The following CDK5RAP3 variants were observed in gnomAD, a reference collection of about 807,000 sequenced individuals.
The protein encoded by CDK5RAP3 is CDK5 regulatory subunit-associated protein 3.
CDK5RAP3 carries 58 observed loss-of-function variants against 73.3 expected under a neutral mutation model. That is an observed-to-expected ratio of 0.79 (90% CI 0.64 to 0.98). The LOEUF (loss-of-function observed/expected upper bound fraction) is 0.98, where lower values mean the gene tolerates loss of function less well. CDK5RAP3 is among the 50% of genes least tolerant of loss of function. The pLI is 0.00. For missense variants in CDK5RAP3, 525 were observed against 615.8 expected, an observed-to-expected ratio of 0.85 and a Z score of 1.56; for synonymous variants, 224 against 247.5, an observed-to-expected ratio of 0.91 and a Z score of 0.89.
rs778634111 is a variant in CDK5RAP3 at position 47,980,691 on chromosome 17, C to T, written c.1176C>T (p.Gly392=). ...AGCTGGCTCCAGCCATCCTGCAGGG[C>T]CAGACCAAAGAGAAGATGGTTACCA... is the stretch of plus-strand genomic sequence containing the variant. ...QFQLAPAILQ[G]QTKEKMVTMV... is the part of the protein sequence containing the mutation. Residue 392 remains glycine, a synonymous_variant, in exon 12 of 14, where the codon GGC becomes GGT. Coordinates refer to ENST00000338399, the MANE Select transcript of CDK5RAP3 (RefSeq NM_176096.3). 3 of 1,614,142 alleles carry T rather than the reference C, an allele frequency of 1.9e-6. No individual in the cohort carries two copies. The highest frequency in any genetic ancestry group is 2.5e-6 in the Non-Finnish European group (3 of 1,180,026).
In CDK5RAP3 at chr17:47,975,347, G is replaced by A. The variant is rs1002646692; in HGVS notation, c.513+10G>A. ...GCAGTATGGCATCACGGTGAGCGGC[G>A]GCAGCCTCTTCGCAGCCAGAGGACA... On this transcript the variant is annotated intron_variant, in intron 6 of 13. Coordinates refer to ENST00000338399, the MANE Select transcript of CDK5RAP3 (RefSeq NM_176096.3). The A allele has an allele frequency of 3.1e-6, 5 of 1,612,628 alleles. No individual in the cohort carries two copies. The African/African-American group carries it at 4.0e-5, about 13-fold the overall frequency.
upstream of CDK5RAP3, chr17:47,970,551 T>C (rs2036236511): frequency 8.7e-6 from 8 of 920,852 alleles, no homozygotes; most frequent in South Asian, 9.9e-5. Flanking sequence ...GTGTTCTCTT[T>C]GGGACGTCTC....
At chr17:47,971,235 A>T in intron 1 of CDK5RAP3, 83 bp downstream of exon 1, 2 of 1,530,994 alleles carry the variant, frequency 1.3e-6, no homozygotes, top group South Asian at 1.2e-5. Context: ...GAAGCGGCTC[A>T]ACCCAGCCCA....
In CDK5RAP3 at chr17:47,981,502, A is replaced by C. The variant is rs747373834; in HGVS notation, c.1521A>C (p.Ter507CysextTer62). ...RPVNLMGTSL[*>C] is the part of the protein sequence containing the mutation. ...TGAACCTGATGGGAACCTCTCTGTG[A>C]CACCCTCCGTGTTCTTGCCTGCCCA... The change falls in exon 14 of 14, where the codon TGA (stop) becomes TGC (cysteine). Residue 507 changes from the stop codon to cysteine, a stop_lost. Transcript: ENST00000338399. 3 of 1,614,220 alleles carry C rather than the reference A, an allele frequency of 1.9e-6. No individual in the cohort carries two copies. The highest frequency in any genetic ancestry group is 2.5e-6 in the Non-Finnish European group (3 of 1,180,056).
intron 12 of CDK5RAP3, 159 bp from the exon 13 acceptor site, chr17:47,981,004 A>C (rs1468526091): frequency 6.8e-6 from 6 of 878,650 alleles, no homozygotes; most frequent in Non-Finnish European, 1.1e-5. Context: ...GGACAGGGGA[A>C]CTGGGAGTGG....
At chr17:47,978,262 G>T (rs2036466065) in intron 10 of CDK5RAP3, among the ~76,000 whole-genome samples, 1 of 151,648 alleles carries the variant, frequency 6.6e-6, no homozygotes, top group African/African-American at 2.4e-5. Flanking sequence ...GTAGAGTTGG[G>T]GTTTCTCCAT....
At chr17:47,971,265 G>A in intron 1 of CDK5RAP3, 97 bp from the exon 2 acceptor site, 2 of 1,541,442 alleles carry the variant, frequency 1.3e-6, no homozygotes, top group South Asian at 1.2e-5. Flanking sequence ...CCCCGTTCTG[G>A]CCCTGCAGGG....
upstream of CDK5RAP3, chr17:47,970,647 G>C (rs1406762815): frequency 6.5e-7 from 1 of 1,535,292 alleles, no homozygotes. Flanking sequence ...AACTGAATGA[G>C]GAGGCAAAGC....
In CDK5RAP3 at chr17:47,981,604, C is replaced by T. The variant is rs746224562; in HGVS notation, c.*102C>T. ...CCTTCAAGGCAAAAGACCAGGCTGA[C>T]TGGAAGATGGAAAGCCACAGGAAGG... On this transcript the variant is annotated 3_prime_UTR_variant, in exon 14 of 14. Transcript: ENST00000338399. 3.1e-6 allele frequency: 5 copies of T among 1,604,802 alleles called. No individual in the cohort carries two copies. The South Asian group carries it at 5.6e-5, about 18-fold the overall frequency.
rs763213122 is a variant in CDK5RAP3, at chr17:47,975,238, G to C, written c.414G>C (p.Gln138His). The change falls in exon 6 of 14, where the codon CAG becomes CAC. Residue 138 changes from glutamine to histidine, a missense_variant. This residue lies in a region of CDK5RAP3 where 409 missense variants were observed against 429.8 expected (regional missense o/e 0.95). Transcript: ENST00000338399. The stretch of plus-strand genomic sequence containing the variant: ...AGAAGCAGATTGCCAAGTGCCAGCA[G>C]CTGCAGCAAGAATACAGCCGCAAGG... ...SLKKQIAKCQ[Q>H]LQQEYSRKEE... 1 of 1,614,090 alleles carries C rather than the reference G, an allele frequency of 6.2e-7. No individual in the cohort carries two copies. Among genetic ancestry groups the C allele is most frequent in the Non-Finnish European group, 8.5e-7 (1 of 1,180,040 alleles).
At chr17:47,968,684 A>C (rs1231535506), upstream of CDK5RAP3, among the ~76,000 whole-genome samples, 3 of 152,004 alleles carry the variant, frequency 2.0e-5, no homozygotes, top group African/African-American at 7.2e-5. Context: ...CGCCCAGCTA[A>C]TTTTTGTATT....
chr17:47,978,030 A>C, intron 10 of CDK5RAP3, 120 bp downstream of exon 10: 1 of 661,196 alleles, frequency 1.5e-6, no homozygotes. Context: ...TGTTTCTCAA[A>C]ACCTTGATGA....
Position 47,976,743 on chromosome 17 carries a change from T to C in CDK5RAP3, c.830T>C (p.Val277Ala), listed in dbSNP as rs201304272. The change falls in exon 9 of 14, where the codon GTG becomes GCG. Residue 277 changes from valine to alanine, a missense_variant. By Grantham distance (64) the Val-to-Ala change is moderately conservative (BLOSUM62 0). Coordinates refer to ENST00000338399, the MANE Select transcript of CDK5RAP3 (RefSeq NM_176096.3). ...IDWGDFGVEAVSEGTDSGISA... is the reference protein window; with the variant it reads ...IDWGDFGVEAASEGTDSGISA... ...TGGGGCGACTTTGGGGTAGAGGCAG[T>C]GTCTGAGGGGACTGACTCTGGCATC... is the stretch of plus-strand genomic sequence containing the variant. 3.8e-5 allele frequency: 62 copies of C among 1,612,900 alleles called. No homozygotes were observed. The African/African-American group carries it at 6.7e-4, about 17-fold the overall frequency.
At chr17:47,973,807 AT>A in intron 3 of CDK5RAP3, 123 bp from the exon 4 acceptor site, 1 of 1,234,202 alleles carries the variant, frequency 8.1e-7, no homozygotes, top group Non-Finnish European at 1.2e-6. Flanking sequence ...CTATGAAATG[AT>A]TTAGGGAAAA....
At chr17:47,976,350 A>G in intron 8 of CDK5RAP3, 1 of 366,078 alleles carries the variant, frequency 2.7e-6, no homozygotes, top group Non-Finnish European at 5.0e-6. Flanking sequence ...AGGCAGCCCC[A>G]CCCTCCTTTT....
chr17:47,970,831 C>A (rs988911365), upstream of CDK5RAP3: 368 of 1,405,602 alleles, frequency 2.6e-4, 2 homozygotes, highest in East Asian at 9.1e-3. Flanking sequence ...CCAGGCTGGG[C>A]TCTCGAGCGC....
chr17:47,978,668 G>A lies in CDK5RAP3; in HGVS notation c.989-161G>A, dbSNP rs1180955567. 8.2e-6 allele frequency: 5 copies of A among 608,076 alleles called. No individual in the cohort carries two copies. The East Asian group carries it at 1.1e-4, about 14-fold the overall frequency. The allele number at this position is 608,076 out of a possible 1,614,324, so 37.7% of individuals were successfully genotyped here. ...GAAAGTGGTACCTGATTAGAGCTGA[G>A]ACACCTGGGACAAGGTAGCCTTCCC... is the stretch of plus-strand genomic sequence containing the variant. On this transcript the variant is annotated intron_variant, in intron 10 of 13. Coordinates refer to ENST00000338399, the MANE Select transcript of CDK5RAP3 (RefSeq NM_176096.3).
upstream of CDK5RAP3, chr17:47,970,659 T>C (rs1328541825): frequency 6.5e-7 from 1 of 1,535,540 alleles, no homozygotes; most frequent in Non-Finnish European, 8.7e-7. Flanking sequence ...AGGCAAAGCA[T>C]GACAAGTGCC....
At chr17:47,975,703 C>A in intron 7 of CDK5RAP3, 50 bp downstream of exon 7, 1 of 1,569,264 alleles carries the variant, frequency 6.4e-7, no homozygotes. Flanking sequence ...CTGTGTTCCC[C>A]AGCTCATGAC....
Sources: gnomAD v4.1 joint callset for allele counts (sites outside exome capture counted in the v4.1 genomes callset) on GRCh38, gnomAD v4.1.1 for gene constraint, gnomAD v4.1.1 regional missense constraint, MANE v1.5 for transcripts, NCBI Gene and HGNC (gene_info 2026-07-23, HGNC 2026-07-21) for gene names.